Variants in KCNH5 observed in about 807,000 individuals in gnomAD.
KCNH5 encodes the protein potassium voltage-gated channel subfamily H member 5.
In KCNH5, 46 loss-of-function variants were observed where a neutral mutation model predicts 96.1. The observed-to-expected ratio is 0.48, with a 90% confidence interval of 0.38 to 0.61. The LOEUF is 0.61. KCNH5 is among the 20% of genes least tolerant of loss of function. The pLI, the probability that KCNH5 is intolerant of heterozygous loss-of-function variation, is 0.00. For missense variants in KCNH5, 907 were observed against 1,225.8 expected (o/e 0.74, Z 3.88); for synonymous variants, 439 against 449.8 (o/e 0.98, Z 0.30).
chr14:62,721,869 A>G (rs1440239074), intron 10 of KCNH5, among the ~76,000 whole-genome samples: 3 of 152,220 alleles, frequency 2.0e-5, no homozygotes, highest in South Asian at 4.1e-4. Context: ...TTGTTATTAA[A>G]TAATACTTGT....
chr14:62,907,930 G>T (rs1282793487), intron 7 of KCNH5, among the ~76,000 whole-genome samples: 1 of 152,134 alleles, frequency 6.6e-6, no homozygotes, highest in East Asian at 1.9e-4. Context: ...CAAGATGAAG[G>T]TCATCTTCTA....
At chr14:63,004,609 T>C (rs1401320744) in intron 3 of KCNH5, among the ~76,000 whole-genome samples, 1 of 152,226 alleles carries the variant, frequency 6.6e-6, no homozygotes, top group East Asian at 1.9e-4. Flanking sequence ...AGATATTTTG[T>C]TGTGGTGGTT....
chr14:62,965,881 T>C (rs956738212), intron 6 of KCNH5, among the ~76,000 whole-genome samples: 3 of 152,158 alleles, frequency 2.0e-5, no homozygotes, highest in Admixed American at 2.0e-4. Flanking sequence ...TAGATTTCAA[T>C]ATTGAAGACA....
At chr14:62,761,652 A>G (rs946027878) in intron 10 of KCNH5, among the ~76,000 whole-genome samples, 2 of 152,198 alleles carry the variant, frequency 1.3e-5, no homozygotes, top group Non-Finnish European at 2.9e-5. Context: ...AAAAAATTCA[A>G]ACTTAATATC....
intron 1 of KCNH5, among the ~76,000 whole-genome samples, chr14:63,029,630 A>C (rs188786960): frequency 6.6e-6 from 1 of 152,222 alleles, no homozygotes; most frequent in East Asian, 1.9e-4. Context: ...TATCACTAAG[A>C]ACTAAACTAC....
chr14:62,780,461 C>T (rs1024202926), intron 9 of KCNH5, among the ~76,000 whole-genome samples: 3 of 152,130 alleles, frequency 2.0e-5, no homozygotes, highest in Non-Finnish European at 4.4e-5. Flanking sequence ...ACCTAGTCAA[C>T]CTTATACAGG....
chr14:62,779,823 T>C lies in KCNH5; in HGVS notation c.1924A>G (p.Lys642Glu), dbSNP rs1457212190. Reference protein sequence around the residue: ...ALTYCDLHIIKREALLKVLDF... With the variant: ...ALTYCDLHIIEREALLKVLDF... The stretch of plus-strand genomic sequence containing the variant: ...AGGACTTTGAGCAAGGCTTCCCGCT[T>C]GATGATGTGTAGGTCACAGTACGTC... The change falls in exon 10 of 11, where the codon AAG becomes GAG. Residue 642 changes from lysine (K) to glutamate (E), a missense_variant. By Grantham distance (56) the Lys-to-Glu change is moderately conservative (BLOSUM62 1). Transcript: ENST00000322893. 6 of 1,613,874 alleles carry C rather than the reference T, an allele frequency of 3.7e-6. No individual in the cohort carries two copies. The highest frequency in any genetic ancestry group is 5.1e-6 in the Non-Finnish European group (6 of 1,179,886).
At chr14:63,002,777 A>G (rs1891034874) in intron 3 of KCNH5, among the ~76,000 whole-genome samples, 1 of 152,234 alleles carries the variant, frequency 6.6e-6, no homozygotes, top group Admixed American at 6.5e-5. Flanking sequence ...TGTGACAATC[A>G]GGTTTTCTGC....
At chr14:62,826,942 G>T (rs533655804) in intron 8 of KCNH5, among the ~76,000 whole-genome samples, 1 of 152,100 alleles carries the variant, frequency 6.6e-6, no homozygotes, top group South Asian at 2.1e-4. Flanking sequence ...TGTAGAAATA[G>T]AAATATAGGG....
In KCNH5 at chr14:62,896,167, G is replaced by A. The variant is rs1337959977; in HGVS notation, c.1370-46315C>T. ...ACATTCACAGTCTAAAAGGAAAAGA[G>A]CAGCAGCAATAGTCATCAGTAGCTC... On this transcript the variant is annotated intron_variant, in intron 7 of 10. Transcript: ENST00000322893. 2.6e-5 allele frequency among the ~76,000 whole-genome samples: 4 copies of A among 152,176 alleles called. No individual in the cohort carries two copies. The South Asian group carries it at 8.3e-4, about 32-fold the overall frequency.
At chr14:62,938,464 C>A (rs1271207035) in intron 7 of KCNH5, among the ~76,000 whole-genome samples, 1 of 152,200 alleles carries the variant, frequency 6.6e-6, no homozygotes, top group Non-Finnish European at 1.5e-5. Context: ...ATAAAATCCC[C>A]TCTCTGGCCA....
intron 7 of KCNH5, among the ~76,000 whole-genome samples, chr14:62,854,442 GA>G (rs1887891227): frequency 6.6e-6 from 1 of 152,106 alleles, no homozygotes. Flanking sequence ...GCAGGTAGGG[GA>G]GTGAAACATT....
Position 62,876,527 on chromosome 14 carries a change from A to G in KCNH5, c.1370-26675T>C, listed in dbSNP as rs1888375887. ...ATAGAAAGACACAAAAAGAACAAAC[A>G]AAAATCCAGTTTTATTTCTATACAC... On this transcript the variant is annotated intron_variant, in intron 7 of 10. Transcript: ENST00000322893. Among the ~76,000 whole-genome samples, 4 of 152,234 alleles carry G rather than the reference A, an allele frequency of 2.6e-5. No individual in the cohort carries two copies. The South Asian group carries it at 8.3e-4, about 31-fold the overall frequency.
intron 8 of KCNH5, among the ~76,000 whole-genome samples, chr14:62,832,969 T>A (rs1887387014): frequency 7.1e-6 from 1 of 141,682 alleles, no homozygotes; most frequent in Non-Finnish European, 1.5e-5. Context: ...TGGTTATTTG[T>A]GGGTTTTTGC....
At chr14:62,809,341 T>C (rs1478480723) in intron 8 of KCNH5, among the ~76,000 whole-genome samples, 1 of 152,144 alleles carries the variant, frequency 6.6e-6, no homozygotes, top group Non-Finnish European at 1.5e-5. Context: ...ACCAAGACTT[T>C]GACTGGAATG....
At chr14:62,961,699 T>C (rs1418508849) in intron 6 of KCNH5, among the ~76,000 whole-genome samples, 2 of 151,922 alleles carry the variant, frequency 1.3e-5, no homozygotes, top group East Asian at 3.9e-4. Context: ...GATGGAGATA[T>C]GGAGATGGAG....
At chr14:62,949,831 T>A (rs530596554) in intron 7 of KCNH5, 135 of 186,652 alleles carry the variant, frequency 7.2e-4, no homozygotes, top group Non-Finnish European at 1.3e-3. Context: ...ATTTAACACA[T>A]TACCAACAAA....
At chr14:62,849,525 T>TA (rs1712491579) in intron 8 of KCNH5, 128 bp downstream of exon 8, 2 of 704,204 alleles carry the variant, frequency 2.8e-6, no homozygotes, top group Admixed American at 2.4e-5. Context: ...GATTGACTGA[T>TA]ATGTCACTTA....
At chr14:63,035,694 T>C (rs1891709583) in intron 1 of KCNH5, among the ~76,000 whole-genome samples, 1 of 152,216 alleles carries the variant, frequency 6.6e-6, no homozygotes, top group South Asian at 2.1e-4. Context: ...CTCTCCAAGG[T>C]AAGCCCTTAG....
Sources: gnomAD v4.1 joint callset for allele counts (sites outside exome capture counted in the v4.1 genomes callset) on GRCh38, gnomAD v4.1.1 for gene constraint, MANE v1.5 for transcripts, NCBI Gene and HGNC (gene_info 2026-07-23, HGNC 2026-07-21) for gene names.